Variants in CHAT observed in about 807,000 individuals in gnomAD.
CHAT encodes choline O-acetyltransferase, also known as acetyl CoA:choline O-acetyltransferase.
A neutral mutation model predicts 76.9 loss-of-function variants in CHAT; 61 were observed. The observed-to-expected ratio is 0.79, with a 90% CI of 0.65 to 0.98. The LOEUF is 0.98. CHAT is among the 50% of genes least tolerant of loss of function. The probability of loss-of-function intolerance (pLI) is 0.00; values close to 1 mark genes in which losing one functional copy is unlikely to be tolerated. For synonymous variants in CHAT, 407 were observed against 397.4 expected (o/e 1.02, Z -0.29); for missense variants, 946 against 986.9 (o/e 0.96, Z 0.56).
intron 7 of CHAT, among the ~76,000 whole-genome samples, chr10:49,633,872 A>G (rs1485913270): frequency 6.6e-6 from 1 of 152,190 alleles, no homozygotes; most frequent in Non-Finnish European, 1.5e-5. Flanking sequence ...GAGCTGAGCC[A>G]CTGCTTGCAA....
Position 49,614,488 on chromosome 10 carries a change from G to T in CHAT, c.286+13G>T, listed in dbSNP as rs1368194696. ...CCGAGGAGAGCAGGTGAGAAGAAGG[G>T]CTGGGCTGGGCTGGCGGAGCGCGGT... On this transcript the variant is annotated intron_variant, in intron 1 of 14. Transcript: ENST00000337653. 1.2e-5 allele frequency: 18 copies of T among 1,540,728 alleles called. No individual in the cohort carries two copies. The highest frequency in any genetic ancestry group is 2.4e-5 in the East Asian group (1 of 40,922).
At chr10:49,611,984 CA>C, upstream of CHAT, 2 of 1,613,604 alleles carry the variant, frequency 1.2e-6, no homozygotes, top group Non-Finnish European at 1.7e-6. Context: ...CGCCATGTCT[CA>C]GTCTATGGCA....
chr10:49,619,946 AG>A, intron 3 of CHAT, 30 bp downstream of exon 3: 2 of 1,597,046 alleles, frequency 1.3e-6, no homozygotes, highest in Non-Finnish European at 1.7e-6. Context: ...AACCCATAGA[AG>A]AGGGGCGGGA....
At chr10:49,634,843 C>G (rs901819889) in intron 7 of CHAT, among the ~76,000 whole-genome samples, 43 of 152,138 alleles carry the variant, frequency 2.8e-4, no homozygotes, top group African/African-American at 9.7e-4. Flanking sequence ...GAAGAAAGAA[C>G]ACTTCTTGGT....
chr10:49,610,605 G>T, upstream of CHAT: 1 of 819,726 alleles, frequency 1.2e-6, no homozygotes, highest in Non-Finnish European at 1.8e-6. Context: ...CATGAGCTCC[G>T]CGGCCACCTG....
chr10:49,643,394 C>T (rs1209948443), intron 7 of CHAT, among the ~76,000 whole-genome samples: 1 of 152,188 alleles, frequency 6.6e-6, no homozygotes, highest in Non-Finnish European at 1.5e-5. Context: ...CCCTGCACTA[C>T]TATACACCTC....
upstream of CHAT, chr10:49,611,196 C>A (rs1428425011): frequency 1.2e-5 from 19 of 1,614,132 alleles, no homozygotes; most frequent in East Asian, 2.2e-5. Context: ...TGAGCTACGA[C>A]GTGCCGCTGC....
At chr10:49,628,081 A>G (rs902644297) in intron 7 of CHAT, among the ~76,000 whole-genome samples, 1 of 152,000 alleles carries the variant, frequency 6.6e-6, no homozygotes, top group Non-Finnish European at 1.5e-5. Context: ...GCTGGCTGCA[A>G]GTGAGCAGGT....
At chr10:49,611,558 G>T, upstream of CHAT, 1 of 1,605,106 alleles carries the variant, frequency 6.2e-7, no homozygotes, top group African/African-American at 1.3e-5. Context: ...GCACGGGCTC[G>T]GGCCAACCTG....
intron 7 of CHAT, among the ~76,000 whole-genome samples, chr10:49,629,688 A>C (rs568413821): frequency 2.6e-5 from 4 of 152,352 alleles, no homozygotes; most frequent in African/African-American, 9.6e-5. Context: ...TTCTGAATGG[A>C]AGTGCTGTTT....
intron 4 of CHAT, among the ~76,000 whole-genome samples, chr10:49,621,632 G>A (rs1838712919): frequency 6.6e-6 from 1 of 152,090 alleles, no homozygotes; most frequent in Non-Finnish European, 1.5e-5. Context: ...GCCCTGTCCA[G>A]ACCCAGGGCT....
chr10:49,648,695 C>A, intron 9 of CHAT, 88 bp downstream of exon 9: 3 of 795,282 alleles, frequency 3.8e-6, no homozygotes, highest in Non-Finnish European at 6.4e-6. Flanking sequence ...AGCGTCTTAA[C>A]AAAAGATGAA....
upstream of CHAT, among the ~76,000 whole-genome samples, chr10:49,613,789 G>T (rs915804033): frequency 1.3e-5 from 2 of 152,170 alleles, no homozygotes; most frequent in African/African-American, 2.4e-5. Flanking sequence ...CCCCACCTCT[G>T]CTCCCCACCC....
intron 1 of CHAT, among the ~76,000 whole-genome samples, chr10:49,615,540 G>A (rs1006200251): frequency 1.3e-5 from 2 of 152,216 alleles, no homozygotes; most frequent in Non-Finnish European, 2.9e-5. Flanking sequence ...CTCTGGGTAG[G>A]GGTGGTGTTG....
intron 5 of CHAT, 93 bp from the exon 6 acceptor site, chr10:49,625,380 G>T: frequency 8.5e-7 from 1 of 1,182,554 alleles, no homozygotes; most frequent in Non-Finnish European, 1.2e-6. Flanking sequence ...GCCCCATTTT[G>T]CCTGATCAAG....
At chr10:49,611,029 A>G, upstream of CHAT, 1 of 1,613,812 alleles carries the variant, frequency 6.2e-7, no homozygotes, top group Non-Finnish European at 8.5e-7. Flanking sequence ...CACGGCCAAC[A>G]CCTCGGCGTC....
intron 7 of CHAT, among the ~76,000 whole-genome samples, chr10:49,645,038 C>T (rs1259391219): frequency 2.0e-5 from 3 of 152,142 alleles, no homozygotes; most frequent in Non-Finnish European, 4.4e-5. Flanking sequence ...GGAGGTTCCC[C>T]GGAAGCTGTG....
At chr10:49,612,490 G>A, upstream of CHAT, 1 of 745,354 alleles carries the variant, frequency 1.3e-6, no homozygotes, top group Non-Finnish European at 2.2e-6. Flanking sequence ...TCCCCTCCCT[G>A]TGACCCGTTC....
At chr10:49,650,022 A>G (rs1839825834) in intron 10 of CHAT, among the ~76,000 whole-genome samples, 1 of 152,142 alleles carries the variant, frequency 6.6e-6, no homozygotes, top group Non-Finnish European at 1.5e-5. Context: ...TGTACAGTGC[A>G]ACTTGACAAA....
Sources: allele counts gnomAD v4.1 joint callset (sites outside exome capture counted in the v4.1 genomes callset), GRCh38; gene constraint gnomAD v4.1.1; transcripts MANE v1.5; gene names NCBI Gene and HGNC (gene_info 2026-07-23, HGNC 2026-07-21).